OR5H14: variants seen among roughly 807,000 people sequenced by gnomAD.
The protein encoded by OR5H14 is olfactory receptor 5H14.
For synonymous variants in OR5H14, 155 were observed against 130.6 expected (o/e 1.19, Z -1.28); for missense variants, 392 against 363.9 (o/e 1.08, Z -0.63).
Position 98,155,647 on chromosome 3 carries a change from T to G in OR5H14, c.*5329T>G, listed in dbSNP as rs1708580035. 1 of 152,258 alleles carries G rather than the reference T, an allele frequency of 6.6e-6. No individual in the cohort carries two copies. The highest frequency in any genetic ancestry group is 1.5e-5 in the Non-Finnish European group (1 of 68,052). 9.4% of individuals were successfully genotyped at this position (152,258 alleles called of 1,614,324 possible). A position where few individuals can be genotyped will look rare whatever the true frequency, so the allele number is the denominator to read the frequency against. On this transcript the variant is annotated 3_prime_UTR_variant, in exon 2 of 2. Transcript: ENST00000641380. ...TTAGATATATGTCTGGAGTTTCAGC[T>G]GCAGTTTGAAGGAGGAGGACAATTT...
In OR5H14 at chr3:98,155,022, A is replaced by G. The variant is rs9830493; in HGVS notation, c.*4704A>G. The G allele has an allele frequency of 6.6e-6, 1 of 151,982 alleles. No homozygotes were observed. The highest frequency in any genetic ancestry group is 2.4e-5 in the African/African-American group (1 of 41,366). The allele number at this position is 151,982 out of a possible 1,614,324, so 9.4% of individuals were successfully genotyped here. A position where few individuals can be genotyped will look rare whatever the true frequency, so the allele number is the denominator to read the frequency against. On this transcript the variant is annotated 3_prime_UTR_variant, in exon 2 of 2. Coordinates refer to ENST00000641380, the MANE Select transcript of OR5H14 (RefSeq NM_001005514.2). Reference sequence around the variant, plus strand: ...TAATATTCCTATTGTGAAATCTAAGATTGGTGTTCAAGGTATTTTGTAGAT... The same window carrying G: ...TAATATTCCTATTGTGAAATCTAAGGTTGGTGTTCAAGGTATTTTGTAGAT...
rs1280990928 is a variant in OR5H14 at position 98,154,431 on chromosome 3, GA to G, written c.*4117del. Reference sequence around the variant, plus strand: ...TCCTGGAAGAATTCTAAATTCCACAGAAAATGTCTGGCACTTTTGTTTGGGA... The same window carrying G: ...TCCTGGAAGAATTCTAAATTCCACAGAAATGTCTGGCACTTTTGTTTGGGA... On this transcript the variant is annotated 3_prime_UTR_variant, in exon 2 of 2. Coordinates refer to ENST00000641380, the MANE Select transcript of OR5H14 (RefSeq NM_001005514.2). The G allele has an allele frequency of 2.0e-5, 3 of 152,342 alleles. No individual in the cohort carries two copies. Among genetic ancestry groups the G allele is most frequent in the Admixed American group, 1.3e-4 (2 of 15,288 alleles). The allele number at this position is 152,342 out of a possible 1,614,324, so 9.4% of individuals were successfully genotyped here. A position where few individuals can be genotyped will look rare whatever the true frequency, so the allele number is the denominator to read the frequency against.
chr3:98,149,002 C>T (rs4302408), intron 1 of OR5H14, among the ~76,000 whole-genome samples: 88,465 of 151,664 alleles, frequency 0.58, 26,222 homozygotes, highest in African/African-American at 0.69. Context: ...TCTTATATTA[C>T]GAAATATAAA....
In OR5H14 at chr3:98,150,228, A is replaced by C. The variant is rs558065491; in HGVS notation, c.843A>C (p.Ile281=). 4.7e-4 allele frequency: 750 copies of C among 1,610,976 alleles called. 5 individuals carry two copies. The highest frequency in any genetic ancestry group is 4.6e-3 in the Middle Eastern group (28 of 6,036). ...DMMESLFYTV[I]VPLLNPMIYS... is the part of the protein sequence containing the mutation. ...TGGAGTCTCTATTTTACACTGTCAT[A>C]GTTCCTTTATTAAATCCCATGATCT... Residue 281 remains isoleucine, a synonymous_variant, in exon 2 of 2, where the codon ATA becomes ATC. Coordinates refer to ENST00000641380, the MANE Select transcript of OR5H14 (RefSeq NM_001005514.2).
At chr3:98,147,971 T>A (rs1459679364) in intron 1 of OR5H14, 1 of 152,022 alleles carries the variant, frequency 6.6e-6, no homozygotes, top group Non-Finnish European at 1.5e-5. Context: ...AACTCCTGTA[T>A]CCTTACACCC....
In OR5H14 at chr3:98,152,312, G is replaced by A. The variant is rs1197500720; in HGVS notation, c.*1994G>A. The A allele has an allele frequency of 1.3e-5, 2 of 152,010 alleles. No individual in the cohort carries two copies. Among genetic ancestry groups the A allele is most frequent in the Non-Finnish European group, 2.9e-5 (2 of 68,024 alleles). The allele number at this position is 152,010 out of a possible 1,614,324, so 9.4% of individuals were successfully genotyped here. On this transcript the variant is annotated 3_prime_UTR_variant, in exon 2 of 2. Coordinates refer to ENST00000641380, the MANE Select transcript of OR5H14 (RefSeq NM_001005514.2). ...TCCCATTACTGAGTATATACCCAAA[G>A]CCTTATAAATCCTTCTAATATAAAG...
At position 98,149,429 on chromosome 3, in the gene OR5H14, C is replaced by T; in HGVS notation, c.44C>T (p.Thr15Ile). 1 of 1,613,236 alleles carries T rather than the reference C, an allele frequency of 6.2e-7. No individual in the cohort carries two copies. Among genetic ancestry groups the T allele is most frequent in the South Asian group, 1.1e-5 (1 of 91,054 alleles). Reference protein sequence around the residue: ...NATLLTEFVLTGFLYQPQWKI... With the variant: ...NATLLTEFVLIGFLYQPQWKI... ...ACATTGCTGACAGAGTTTGTTCTCA[C>T]AGGATTTTTATATCAACCACAGTGG... Residue 15 changes from threonine (T) to isoleucine (I), a missense_variant, in exon 2 of 2, where the codon ACA (threonine) becomes ATA (isoleucine). By Grantham distance (89) the Thr-to-Ile change is moderately conservative. Coordinates refer to ENST00000641380, the MANE Select transcript of OR5H14 (RefSeq NM_001005514.2).
At chr3:98,147,818 C>G (rs1708442803) in intron 1 of OR5H14, among the ~76,000 whole-genome samples, 1 of 151,950 alleles carries the variant, frequency 6.6e-6, no homozygotes, top group Non-Finnish European at 1.5e-5. Flanking sequence ...TGATCTAGAT[C>G]ATTAAACAAT....
At chr3:98,149,325 G>A (rs1044359313) in intron 1 of OR5H14, 43 bp from the exon 2 acceptor site, 3 of 1,585,030 alleles carry the variant, frequency 1.9e-6, no homozygotes, top group African/African-American at 2.7e-5. Flanking sequence ...AACTCATAAT[G>A]TCATTGCAGA....
chr3:98,148,968 C>A (rs569210711), intron 1 of OR5H14, among the ~76,000 whole-genome samples: 1 of 152,086 alleles, frequency 6.6e-6, no homozygotes, highest in East Asian at 1.9e-4. Flanking sequence ...GATGGCATTT[C>A]CCATCTGAAA....
Position 98,149,571 on chromosome 3 carries a change from C to T in OR5H14, c.186C>T (p.Leu62=), listed in dbSNP as rs780173337. 3 of 1,613,526 alleles carry T rather than the reference C, an allele frequency of 1.9e-6. No homozygotes were observed. Among genetic ancestry groups the T allele is most frequent in the Non-Finnish European group, 2.5e-6 (3 of 1,179,598 alleles). Residue 62 remains leucine, a synonymous_variant, in exon 2 of 2, where the codon CTC becomes CTT. Coordinates refer to ENST00000641380, the MANE Select transcript of OR5H14 (RefSeq NM_001005514.2). ...ATCTTCATATCCCAATGTACTTACT[C>T]CTTGGGAATTTAGCTTTTGTGGATG... ...DPHLHIPMYL[L]LGNLAFVDAL... is the part of the protein sequence containing the mutation.
rs1708484894 is a variant in OR5H14 at position 98,150,172 on chromosome 3, G to T, written c.787G>T (p.Ala263Ser). ...GPLAFMYMGS[A>S]SPQADDQDMM... ...CCTCGCCTTCATGTATATGGGCTCT[G>T]CATCCCCACAGGCTGATGACCAAGA... Residue 263 changes from alanine (A) to serine (S), a missense_variant, in exon 2 of 2, where the codon GCA (alanine) becomes TCA (serine). By Grantham distance (99) the Ala-to-Ser change is moderately conservative. Transcript: ENST00000641380. 1 of 1,612,544 alleles carries T rather than the reference G, an allele frequency of 6.2e-7. No homozygotes were observed. The highest frequency in any genetic ancestry group is 1.3e-5 in the African/African-American group (1 of 74,840).
rs752967855 is a variant in OR5H14, at chr3:98,150,082, G to A, written c.697G>A (p.Gly233Ser). The change falls in exon 2 of 2, where the codon GGT (glycine) becomes AGT (serine). Residue 233 changes from glycine to serine, a missense_variant. Coordinates refer to ENST00000641380, the MANE Select transcript of OR5H14 (RefSeq NM_001005514.2). ...AATCTTGAAAAAGAAGTCTGTCAAAGGTATGAGAAAAGCCTTCTCCACCTG... is the reference window on the plus strand; with the variant it reads ...AATCTTGAAAAAGAAGTCTGTCAAAAGTATGAGAAAAGCCTTCTCCACCTG... Reference protein sequence around the residue: ...YTILKKKSVKGMRKAFSTCGA... With the variant: ...YTILKKKSVKSMRKAFSTCGA... 1.2e-6 allele frequency: 2 copies of A among 1,610,704 alleles called. No individual in the cohort carries two copies. The highest frequency in any genetic ancestry group is 1.3e-5 in the African/African-American group (1 of 74,516).
In OR5H14 at chr3:98,151,192, C is replaced by G. The variant is rs79981228; in HGVS notation, c.*874C>G. The stretch of plus-strand genomic sequence containing the variant: ...AAGATTTTAAAAACCAGTGATGTTA[C>G]AAGGTTATTGGAATGCGTTATTGAC... On this transcript the variant is annotated 3_prime_UTR_variant, in exon 2 of 2. Coordinates refer to ENST00000641380, the MANE Select transcript of OR5H14 (RefSeq NM_001005514.2). 6.6e-6 allele frequency: 1 copy of G among 152,186 alleles called. No individual in the cohort carries two copies. Among genetic ancestry groups the G allele is most frequent in the East Asian group, 1.9e-4 (1 of 5,184 alleles). The allele number at this position is 152,186 out of a possible 1,614,324, so 9.4% of individuals were successfully genotyped here.
In OR5H14 at chr3:98,150,175, T is replaced by C. The variant is rs1559808192; in HGVS notation, c.790T>C (p.Ser264Pro). ...CGCCTTCATGTATATGGGCTCTGCATCCCCACAGGCTGATGACCAAGATAT... is the reference window on the plus strand; with the variant it reads ...CGCCTTCATGTATATGGGCTCTGCACCCCCACAGGCTGATGACCAAGATAT... Reference protein sequence around the residue: ...PLAFMYMGSASPQADDQDMME... With the variant: ...PLAFMYMGSAPPQADDQDMME... Residue 264 changes from serine to proline, a missense_variant, in exon 2 of 2, where the codon TCC (serine) becomes CCC (proline). Ser to Pro is a moderately conservative substitution (Grantham distance 74). Coordinates refer to ENST00000641380, the MANE Select transcript of OR5H14 (RefSeq NM_001005514.2). 6.2e-7 allele frequency: 1 copy of C among 1,612,774 alleles called. No homozygotes were observed. The highest frequency in any genetic ancestry group is 1.7e-5 in the Admixed American group (1 of 59,894).
Position 98,149,183 on chromosome 3 carries a change from A to T in OR5H14, c.-18-185A>T. 5.8e-6 allele frequency: 4 copies of T among 685,562 alleles called. No homozygotes were observed. The Middle Eastern group carries it at 1.6e-3, about 281-fold the overall frequency. The allele number at this position is 685,562 out of a possible 1,614,324, so 42.5% of individuals were successfully genotyped here. On this transcript the variant is annotated intron_variant, in intron 1 of 1. Transcript: ENST00000641380. ...ATCCAGAGTATGCATATTACTACCAAATTTTCAAACTAAAATATGACATTT... is the reference window on the plus strand; with the variant it reads ...ATCCAGAGTATGCATATTACTACCATATTTTCAAACTAAAATATGACATTT...
chr3:98,156,289 T>C lies in OR5H14; in HGVS notation c.*5971T>C, dbSNP rs1377812653. The C allele has an allele frequency of 6.6e-6, 1 of 152,166 alleles. No individual in the cohort carries two copies. Among genetic ancestry groups the C allele is most frequent in the African/African-American group, 2.4e-5 (1 of 41,452 alleles). 9.4% of individuals were successfully genotyped at this position (152,166 alleles called of 1,614,324 possible). On this transcript the variant is annotated 3_prime_UTR_variant, in exon 2 of 2. Transcript: ENST00000641380. ...TGATATTAGTAAAAGAGAAATTATT[T>C]TATCATATCCACTATTATTTTTAAA...
chr3:98,149,322 A>T, intron 1 of OR5H14, 46 bp from the exon 2 acceptor site: 1 of 1,577,820 alleles, frequency 6.3e-7, no homozygotes, highest in Non-Finnish European at 8.6e-7. Flanking sequence ...TTCAACTCAT[A>T]ATGTCATTGC....
In OR5H14 at chr3:98,155,242, C is replaced by G. The variant is rs1460135904; in HGVS notation, c.*4924C>G. 1 of 152,234 alleles carries G rather than the reference C, an allele frequency of 6.6e-6. No individual in the cohort carries two copies. Among genetic ancestry groups the G allele is most frequent in the African/African-American group, 2.4e-5 (1 of 41,478 alleles). The allele number at this position is 152,234 out of a possible 1,614,324, so 9.4% of individuals were successfully genotyped here. A position where few individuals can be genotyped will look rare whatever the true frequency, so the allele number is the denominator to read the frequency against. The stretch of plus-strand genomic sequence containing the variant: ...AACCGTGTTTAGAAAACCCTACCCT[C>G]TGGATTTTTGGAAAGGGTGATCTGA... On this transcript the variant is annotated 3_prime_UTR_variant, in exon 2 of 2. Transcript: ENST00000641380.
Sources: gnomAD v4.1 joint callset for allele counts (sites outside exome capture counted in the v4.1 genomes callset) on GRCh38, gnomAD v4.1.1 for gene constraint, MANE v1.5 for transcripts, NCBI Gene and HGNC (gene_info 2026-07-23, HGNC 2026-07-21) for gene names.